Variants in CUL3 observed in about 807,000 individuals in gnomAD.
The protein encoded by CUL3 is cullin 3.
Under a neutral mutation model 89.1 loss-of-function variants are expected in CUL3, and 19 were observed. That is an observed-to-expected ratio of 0.21 (90% CI 0.15 to 0.31). CUL3 has a LOEUF of 0.31. Among genes scored for constraint, CUL3 ranks in the 10% least tolerant of loss-of-function variants. CUL3 has a pLI of 1.00. For synonymous variants in CUL3, 351 were observed against 308.4 expected (o/e 1.14, Z -1.45); for missense variants, 469 against 942.3 (o/e 0.50, Z 6.58).
chr2:224,514,435 G>A (rs188050466), intron 4 of CUL3, among the ~76,000 whole-genome samples, 177 bp downstream of exon 4: 146 of 152,298 alleles, frequency 9.6e-4, no homozygotes, highest in African/African-American at 3.4e-3. Context: ...TATAAAAGAT[G>A]TGTGCTTTCA....
chr2:224,474,445 A>T, intron 15 of CUL3, 69 bp from the exon 16 acceptor site: 2 of 1,338,356 alleles, frequency 1.5e-6, no homozygotes, highest in Non-Finnish European at 2.1e-6. Context: ...CAGAACTGAT[A>T]TGTCATTTTA....
In CUL3 at chr2:224,514,641, T is replaced by G. The variant is rs1692969296; in HGVS notation, c.510A>C (p.Ala170=). The change falls in exon 4 of 16, where the codon GCA becomes GCC. Residue 170 remains alanine, a synonymous_variant. Transcript: ENST00000264414. The stretch of plus-strand genomic sequence containing the variant: ...CTACGACTTCTCCTTTCCGCTCTCT[T>G]GCAATCATATCCAATAGAGTTTGCC... ...HLRQTLLDMI[A]RERKGEVVDR... is the part of the protein sequence containing the mutation. 4 of 1,613,440 alleles carry G rather than the reference T, an allele frequency of 2.5e-6. No homozygotes were observed. Among genetic ancestry groups the G allele is most frequent in the Non-Finnish European group, 3.4e-6 (4 of 1,179,568 alleles).
intron 14 of CUL3, chr2:224,478,713 G>C (rs1036365729): frequency 1.0e-4 from 18 of 174,590 alleles, no homozygotes; most frequent in Admixed American, 8.2e-4. Flanking sequence ...ATGGCTCCAA[G>C]TTAAAACTCA....
At position 224,506,112 on chromosome 2, in the gene CUL3, A is replaced by G. The variant is rs752545459; in HGVS notation, c.1050T>C (p.Ser350=). ...ATTCCAGGAGGAAGCGATCGAACCT[A>G]CTCTTCAGATCCAATAAGCCCTTAG... ...DYIQGLLDLK[S]RFDRFLLESF... Residue 350 remains serine, a synonymous_variant, in exon 8 of 16, where the codon AGT becomes AGC. Transcript: ENST00000264414. The G allele has an allele frequency of 1.2e-6, 2 of 1,601,352 alleles. No individual in the cohort carries two copies. The highest frequency in any genetic ancestry group is 1.7e-6 in the Non-Finnish European group (2 of 1,173,962).
At chr2:224,550,395 G>A (rs1346723409) in intron 2 of CUL3, among the ~76,000 whole-genome samples, 6 of 152,264 alleles carry the variant, frequency 3.9e-5, no homozygotes, top group East Asian at 1.9e-4. Context: ...TCATGTTGGC[G>A]CTCAAAAAGT....
intron 1 of CUL3, among the ~76,000 whole-genome samples, chr2:224,562,013 T>TGG (rs1465321068): frequency 2.6e-5 from 4 of 152,226 alleles, no homozygotes; most frequent in Non-Finnish European, 5.9e-5. Context: ...TCAAATCATC[T>TGG]TTACAGGCTC....
intron 10 of CUL3, 135 bp downstream of exon 10, chr2:224,502,826 TTAAG>T: frequency 1.6e-6 from 1 of 623,276 alleles, no homozygotes; most frequent in Non-Finnish European, 2.8e-6. Context: ...TGAAGGAAAA[TTAAG>T]TACTCACAGA....
At position 224,471,011 on chromosome 2, in the gene CUL3, AAATG is replaced by A. The variant is rs1416983956; in HGVS notation, c.*3230_*3233del. ...GTCACATAAAGCCAATATGACAACTAAATGAATGAATATACATAAAATATTCAGA... is the reference window on the plus strand; with the variant it reads ...GTCACATAAAGCCAATATGACAACTAAATGAATATACATAAAATATTCAGA... On this transcript the variant is annotated 3_prime_UTR_variant, in exon 16 of 16. Transcript: ENST00000264414. 80 of 227,838 alleles carry A rather than the reference AAATG, an allele frequency of 3.5e-4. 1 individual carries two copies. The highest frequency in any genetic ancestry group is 1.3e-3 in the Middle Eastern group (1 of 742). 14.1% of individuals were successfully genotyped at this position (227,838 alleles called of 1,614,324 possible).
At chr2:224,513,187 T>C (rs1692905727) in intron 5 of CUL3, among the ~76,000 whole-genome samples, 1 of 152,214 alleles carries the variant, frequency 6.6e-6, no homozygotes, top group Non-Finnish European at 1.5e-5. Context: ...TTTCAGTCAA[T>C]AGCACACTAT....
chr2:224,560,140 T>A (rs1043233898), intron 1 of CUL3, among the ~76,000 whole-genome samples: 1 of 152,064 alleles, frequency 6.6e-6, no homozygotes, highest in African/African-American at 2.4e-5. Flanking sequence ...AGCACTACAA[T>A]CTCTTGTTTT....
chr2:224,569,203 CTAAG>C (rs1695120077), intron 1 of CUL3, among the ~76,000 whole-genome samples: 1 of 152,102 alleles, frequency 6.6e-6, no homozygotes, highest in Admixed American at 6.5e-5. Flanking sequence ...TGCAAATACA[CTAAG>C]GGATCTAGCA....
At chr2:224,503,325 G>A (rs1385454953) in intron 9 of CUL3, among the ~76,000 whole-genome samples, 1 of 152,186 alleles carries the variant, frequency 6.6e-6, no homozygotes, top group Non-Finnish European at 1.5e-5. Context: ...CATCTCAGGT[G>A]ATTCACGTGC....
intron 1 of CUL3, among the ~76,000 whole-genome samples, chr2:224,563,501 T>C (rs915363146): frequency 2.0e-5 from 3 of 152,228 alleles, no homozygotes; most frequent in African/African-American, 7.2e-5. Context: ...TTTCCTAAGT[T>C]TGTCCATATC....
chr2:224,535,380 G>A, intron 3 of CUL3, 148 bp downstream of exon 3: 1 of 492,216 alleles, frequency 2.0e-6, no homozygotes, highest in South Asian at 2.4e-5. Flanking sequence ...ACGCTGGCCA[G>A]GCTGGTCTCA....
intron 2 of CUL3, among the ~76,000 whole-genome samples, chr2:224,548,348 T>G (rs1694382981): frequency 6.6e-6 from 1 of 152,236 alleles, no homozygotes; most frequent in East Asian, 1.9e-4. Context: ...GCTCCTCTTA[T>G]TCTGGCTTCC....
At chr2:224,503,112 G>A (rs756871978) in intron 9 of CUL3, 40 bp from the exon 10 acceptor site, 1 of 1,176,830 alleles carries the variant, frequency 8.5e-7, no homozygotes. Context: ...ATAAATGGTA[G>A]ATGTTTCTAT....
intron 1 of CUL3, 48 bp from the exon 2 acceptor site, chr2:224,557,904 A>AAAAAAAAAAAT: frequency 9.3e-7 from 1 of 1,069,900 alleles, no homozygotes; most frequent in South Asian, 1.5e-5. Context: ...AAAAAAAAAA[A>AAAAAAAAAAAT]ACCAATGGTT....
At chr2:224,551,086 TC>T (rs1187826121) in intron 2 of CUL3, among the ~76,000 whole-genome samples, 1 of 151,624 alleles carries the variant, frequency 6.6e-6, no homozygotes, top group Non-Finnish European at 1.5e-5. Context: ...TTTTTTTTAA[TC>T]GCTCTGTTGC....
Position 224,563,234 on chromosome 2 carries a change from C to T in CUL3, c.67-5378G>A, listed in dbSNP as rs986532409. 1.3e-4 allele frequency: 62 copies of T among 471,194 alleles called. No homozygotes were observed. In the Admixed American group the frequency reaches 1.4e-3, roughly 11 times the overall value. 29.2% of individuals were successfully genotyped at this position (471,194 alleles called of 1,614,324 possible). A position where few individuals can be genotyped will look rare whatever the true frequency, so the allele number is the denominator to read the frequency against. ...CTTTCTTTTAGAAAACATTATTCCC[C>T]TACATCTCTTGTATACTACTTTTCC... On this transcript the variant is annotated intron_variant, in intron 1 of 15. Coordinates refer to ENST00000264414, the MANE Select transcript of CUL3 (RefSeq NM_003590.5).
Sources: allele counts gnomAD v4.1 joint callset (sites outside exome capture counted in the v4.1 genomes callset), GRCh38; gene constraint gnomAD v4.1.1; transcripts MANE v1.5; gene names NCBI Gene and HGNC (gene_info 2026-07-23, HGNC 2026-07-21).